The following MEOX2 variants were observed in gnomAD, a reference collection of about 807,000 sequenced individuals.
MEOX2 encodes mesenchyme homeobox 2.
A neutral mutation model predicts 27.0 loss-of-function variants in MEOX2; 11 were observed. The observed-to-expected ratio is 0.41, with a 90% CI of 0.26 to 0.68. The LOEUF is 0.68. Ranked by LOEUF, MEOX2 falls within the 30% of genes least tolerant of loss-of-function variation. The pLI, the probability that MEOX2 is intolerant of heterozygous loss-of-function variation, is 0.33. For synonymous variants in MEOX2, 189 were observed against 155.4 expected (o/e 1.22, Z -1.61); for missense variants, 436 against 385.4 (o/e 1.13, Z -1.10).
chr7:15,664,147 G>C (rs573859308), intron 1 of MEOX2, among the ~76,000 whole-genome samples: 1 of 152,312 alleles, frequency 6.6e-6, no homozygotes, highest in Admixed American at 6.5e-5. Context: ...GATAGGTTAA[G>C]AGGGATTTAC....
At chr7:15,653,998 G>T (rs994758057) in intron 1 of MEOX2, among the ~76,000 whole-genome samples, 1 of 151,880 alleles carries the variant, frequency 6.6e-6, no homozygotes, top group African/African-American at 2.4e-5. Context: ...CAAATTGGGG[G>T]AAATTGACAT....
chr7:15,658,701 G>T (rs62439053), intron 1 of MEOX2, among the ~76,000 whole-genome samples: 1 of 152,016 alleles, frequency 6.6e-6, no homozygotes, highest in Non-Finnish European at 1.5e-5. Context: ...TGAGGAACAG[G>T]ATTTGCACCC....
chr7:15,627,084 T>A (rs1338607301), intron 1 of MEOX2, among the ~76,000 whole-genome samples, 166 bp from the exon 2 acceptor site: 1 of 151,986 alleles, frequency 6.6e-6, no homozygotes, highest in African/African-American at 2.4e-5. Context: ...GGGGGAGATA[T>A]AATTCTTATT....
intron 2 of MEOX2, among the ~76,000 whole-genome samples, chr7:15,614,873 A>G (rs1247011098): frequency 6.6e-6 from 1 of 152,148 alleles, no homozygotes; most frequent in Non-Finnish European, 1.5e-5. Context: ...TAATTATATC[A>G]GTGATCTTCA....
intron 2 of MEOX2, among the ~76,000 whole-genome samples, chr7:15,616,564 C>G (rs1211751369): frequency 6.6e-6 from 1 of 151,736 alleles, no homozygotes; most frequent in African/African-American, 2.4e-5. Flanking sequence ...ACTTTATTAA[C>G]CCAGCTTTAT....
intron 1 of MEOX2, among the ~76,000 whole-genome samples, chr7:15,662,757 T>C (rs1337420051): frequency 1.3e-5 from 2 of 152,182 alleles, no homozygotes; most frequent in Non-Finnish European, 2.9e-5. Flanking sequence ...TTTTTGGTAA[T>C]TTATTTGTAT....
chr7:15,679,851 C>T (rs575549804), intron 1 of MEOX2: 11 of 151,802 alleles, frequency 7.2e-5, no homozygotes, highest in South Asian at 2.1e-4. Context: ...AGATACAGTA[C>T]GGATTCTACC....
chr7:15,633,113 G>A (rs1028775316), intron 1 of MEOX2, among the ~76,000 whole-genome samples: 3 of 151,832 alleles, frequency 2.0e-5, no homozygotes, highest in Admixed American at 6.6e-5. Context: ...GTCACTGTAC[G>A]GATGCTTTCT....
chr7:15,616,372 G>T (rs565131788), intron 2 of MEOX2, among the ~76,000 whole-genome samples: 1 of 151,738 alleles, frequency 6.6e-6, no homozygotes, highest in East Asian at 1.9e-4. Context: ...AAATATTGGA[G>T]TGAATTAAAA....
chr7:15,686,096 C>T lies in MEOX2; in HGVS notation c.307G>A (p.Ala103Thr), dbSNP rs1205823681. The T allele has an allele frequency of 6.3e-7, 1 of 1,586,980 alleles. No homozygotes were observed. The highest frequency in any genetic ancestry group is 8.6e-7 in the Non-Finnish European group (1 of 1,168,064). ...TGGAGGCAGAGGCTGTGCCGAGCCG[C>T]ACTCGGTGGGGAAGACATCTGCGGG... The part of the protein sequence containing the change: ...HLPQMSSPPS[A>T]ARHSLCLQPD... The change falls in exon 1 of 3, where the codon GCG becomes ACG. Residue 103 changes from alanine (A) to threonine (T), a missense_variant. Transcript: ENST00000262041.
At chr7:15,684,323 T>C (rs1782340743) in intron 1 of MEOX2, among the ~76,000 whole-genome samples, 2 of 152,216 alleles carry the variant, frequency 1.3e-5, no homozygotes, top group Non-Finnish European at 2.9e-5. Flanking sequence ...CATTCTAAAA[T>C]CGACTGTTTT....
At chr7:15,682,202 T>G (rs968602967) in intron 1 of MEOX2, among the ~76,000 whole-genome samples, 12 of 151,836 alleles carry the variant, frequency 7.9e-5, no homozygotes, top group African/African-American at 2.9e-4. Context: ...GTATATTATT[T>G]TTTAAATTCT....
At chr7:15,659,802 T>C (rs1244072707) in intron 1 of MEOX2, among the ~76,000 whole-genome samples, 1 of 149,330 alleles carries the variant, frequency 6.7e-6, no homozygotes, top group South Asian at 2.1e-4. Flanking sequence ...TCCAGCTTAA[T>C]GATTTTTAGC....
At chr7:15,682,257 T>C (rs1782305061) in intron 1 of MEOX2, among the ~76,000 whole-genome samples, 2 of 151,824 alleles carry the variant, frequency 1.3e-5, no homozygotes, top group African/African-American at 2.4e-5. Context: ...CAGAAATGAA[T>C]AATAACACTA....
At chr7:15,662,495 G>A (rs1381184959) in intron 1 of MEOX2, among the ~76,000 whole-genome samples, 1 of 151,882 alleles carries the variant, frequency 6.6e-6, no homozygotes, top group Admixed American at 6.6e-5. Flanking sequence ...CAGAACTTTT[G>A]AATGATACTA....
chr7:15,654,490 G>T lies in MEOX2; in HGVS notation c.518-27572C>A, dbSNP rs139942488. Among the ~76,000 whole-genome samples the T allele has an allele frequency of 2.8e-3, 423 of 151,704 alleles. 1 individual carries two copies. Among genetic ancestry groups the T allele is most frequent in the African/African-American group, 9.9e-3 (410 of 41,462 alleles). On this transcript the variant is annotated intron_variant, in intron 1 of 2. Coordinates refer to ENST00000262041, the MANE Select transcript of MEOX2 (RefSeq NM_005924.5). The stretch of plus-strand genomic sequence containing the variant: ...GAGGGAGGACATTCCTGATCTTAAG[G>T]GTAAAACATTCAGTCTTTCATCATT...
chr7:15,650,803 G>T lies in MEOX2; in HGVS notation c.518-23885C>A, dbSNP rs534942163. Among the ~76,000 whole-genome samples the T allele has an allele frequency of 7.2e-5, 11 of 152,074 alleles. No homozygotes were observed. The South Asian group carries it at 2.1e-3, about 29-fold the overall frequency. ...TGAAAGAGTTGCTATTAGCATGGAG[G>T]GATTTCCACAGTGATTTAAAAAGAA... On this transcript the variant is annotated intron_variant, in intron 1 of 2. Coordinates refer to ENST00000262041, the MANE Select transcript of MEOX2 (RefSeq NM_005924.5).
chr7:15,639,234 T>C (rs1305731586), intron 1 of MEOX2, among the ~76,000 whole-genome samples: 1 of 152,138 alleles, frequency 6.6e-6, no homozygotes, highest in Non-Finnish European at 1.5e-5. Flanking sequence ...ATTTGTGATG[T>C]TGAGCATGTT....
chr7:15,675,766 C>T (rs781051580), intron 1 of MEOX2, among the ~76,000 whole-genome samples: 10 of 152,154 alleles, frequency 6.6e-5, no homozygotes, highest in Admixed American at 5.2e-4. Context: ...AAAGAGTCAA[C>T]GCACTGGTTG....
Sources: gnomAD v4.1 joint callset for allele counts (sites outside exome capture counted in the v4.1 genomes callset) on GRCh38, gnomAD v4.1.1 for gene constraint, MANE v1.5 for transcripts, NCBI Gene and HGNC (gene_info 2026-07-23, HGNC 2026-07-21) for gene names.